MGST1: variants seen among roughly 807,000 people sequenced by gnomAD.
MGST1 encodes the protein glutathione S-transferase 12.
A neutral mutation model predicts 8.9 loss-of-function variants in MGST1; 5 were observed. The observed-to-expected ratio is 0.56, with a 90% CI of 0.29 to 1.19. The LOEUF (loss-of-function observed/expected upper bound fraction) is 1.19. Ranked by LOEUF, MGST1 falls within the 50% of genes most tolerant of loss-of-function variation. The pLI, the probability that MGST1 is intolerant of heterozygous loss-of-function variation, is 0.08. For synonymous variants in MGST1, 54 were observed against 67.8 expected (o/e 0.80, Z 1.00); for missense variants, 182 against 187.4 (o/e 0.97, Z 0.17).
chr12:16,394,554 CT>C (rs1565446438), intron 1 of MGST1, among the ~76,000 whole-genome samples: 1,290 of 82,002 alleles, frequency 0.016, 31 homozygotes, highest in Non-Finnish European at 0.025. Flanking sequence ...TTCTTTCTTT[CT>C]TTCTTTCTTT....
chr12:16,407,102 C>G (rs995301810), intron 1 of MGST1, among the ~76,000 whole-genome samples: 7 of 152,136 alleles, frequency 4.6e-5, no homozygotes, highest in Non-Finnish European at 7.4e-5. Flanking sequence ...GTGAAAGAAA[C>G]TATCAACAGA....
intron 4 of MGST1, among the ~76,000 whole-genome samples, chr12:16,525,492 C>T (rs1270151596): frequency 1.3e-5 from 2 of 150,300 alleles, no homozygotes; most frequent in African/African-American, 4.9e-5. Flanking sequence ...TTTATGGCTG[C>T]ATAGTATTCC....
chr12:16,433,018 G>A (rs973972633), intron 1 of MGST1, among the ~76,000 whole-genome samples: 1 of 151,990 alleles, frequency 6.6e-6, no homozygotes. Flanking sequence ...ATATAAAGGG[G>A]AGTTTATTAG....
chr12:16,504,806 C>T (rs1941526953), intron 4 of MGST1, among the ~76,000 whole-genome samples: 1 of 152,286 alleles, frequency 6.6e-6, no homozygotes, highest in African/African-American at 2.4e-5. Flanking sequence ...ATAATCCCCA[C>T]AAACTTGCTT....
At chr12:16,539,051 A>C (rs1364434048) in intron 4 of MGST1, among the ~76,000 whole-genome samples, 1 of 152,176 alleles carries the variant, frequency 6.6e-6, no homozygotes, top group East Asian at 1.9e-4. Flanking sequence ...GATTCAAATT[A>C]TCTCCCACCA....
chr12:16,552,756 C>A (rs1942037380), intron 4 of MGST1, among the ~76,000 whole-genome samples: 1 of 152,036 alleles, frequency 6.6e-6, no homozygotes, highest in African/African-American at 2.4e-5. Context: ...GTGGTCAAAG[C>A]TACTGGATAC....
At chr12:16,402,481 C>A in intron 1 of MGST1, 2 of 1,477,274 alleles carry the variant, frequency 1.4e-6, no homozygotes, top group Non-Finnish European at 1.9e-6. Context: ...GCTCTGCCAC[C>A]TGCTCTCGGC....
Position 16,432,717 on chromosome 12 carries a change from CACACACACACACACAG to C in MGST1, n.779-4669_779-4654del, listed in dbSNP as rs978656607. Among the ~76,000 whole-genome samples, 174 of 144,262 alleles carry C rather than the reference CACACACACACACACAG, an allele frequency of 1.2e-3. 2 individuals are homozygous for C. Among genetic ancestry groups the C allele is most frequent in the African/African-American group, 4.3e-3 (162 of 37,450 alleles). 94.6% of individuals were successfully genotyped at this position (144,262 alleles called of 152,430 possible). A position where few individuals can be genotyped will look rare whatever the true frequency, so the allele number is the denominator to read the frequency against. On this transcript the variant is annotated intron_variant and non_coding_transcript_variant, in intron 1 of 1. Transcript: ENST00000359720. ...ACACACACACACACACACACACACA[CACACACACACACACAG>C]AGAGAGAGAATATTGTCAGAGTTCT... is the stretch of plus-strand genomic sequence containing the variant.
rs938751163 is a variant in MGST1 at position 16,589,119 on chromosome 12, TA to T, written n.483-407del. Among the ~76,000 whole-genome samples the T allele has an allele frequency of 6.6e-6, 1 of 152,114 alleles. No individual in the cohort carries two copies. The highest frequency in any genetic ancestry group is 2.4e-5 in the African/African-American group (1 of 41,436). On this transcript the variant is annotated intron_variant and non_coding_transcript_variant, in intron 4 of 4. Transcript: ENST00000538857. The surrounding 1 kb of genome is among the most constrained non-coding windows in gnomAD (Gnocchi z 4.2). Reference sequence around the variant, plus strand: ...ACCGTGATGCAACCTGACATGCCTCTAAGATCTACGAATTAGATGTAACCTC... The same window carrying T: ...ACCGTGATGCAACCTGACATGCCTCTAGATCTACGAATTAGATGTAACCTC...
At chr12:16,375,149 G>A (rs181888257) in intron 3 of MGST1, among the ~76,000 whole-genome samples, 125 of 152,256 alleles carry the variant, frequency 8.2e-4, no homozygotes, top group Middle Eastern at 3.4e-3. Context: ...CCAAAGTGCC[G>A]GGATTGAAGG....
intron 4 of MGST1, among the ~76,000 whole-genome samples, chr12:16,562,495 G>C (rs905919996): frequency 3.9e-5 from 6 of 151,992 alleles, no homozygotes; most frequent in Non-Finnish European, 7.4e-5. Context: ...AATTGCTCTC[G>C]CTAGCTGAGC....
At chr12:16,352,629 T>G (rs1165571254) in intron 1 of MGST1, among the ~76,000 whole-genome samples, 1 of 152,214 alleles carries the variant, frequency 6.6e-6, no homozygotes, top group Non-Finnish European at 1.5e-5. Flanking sequence ...GACTTCAGTA[T>G]CACCAGTGTG....
chr12:16,561,245 A>G (rs1403127724), intron 4 of MGST1, among the ~76,000 whole-genome samples: 1 of 152,234 alleles, frequency 6.6e-6, no homozygotes, highest in Non-Finnish European at 1.5e-5. Flanking sequence ...ATGACCTAAA[A>G]GAAGTACAAA....
At chr12:16,564,280 ATAACTTT>A (rs1464022040) in intron 4 of MGST1, among the ~76,000 whole-genome samples, 170 of 152,332 alleles carry the variant, frequency 1.1e-3, no homozygotes, top group African/African-American at 3.8e-3. Context: ...GAAATATTTA[ATAACTTT>A]TGTGTATGGG....
intron 1 of MGST1, 81 bp from the exon 2 acceptor site, chr12:16,354,150 A>G: frequency 4.1e-6 from 4 of 971,204 alleles, no homozygotes; most frequent in Non-Finnish European, 6.0e-6. Context: ...TTAATGCTGC[A>G]ATATAAGAAC....
chr12:16,456,274 A>G (rs1941171580), intron 4 of MGST1, among the ~76,000 whole-genome samples: 1 of 151,908 alleles, frequency 6.6e-6, no homozygotes, highest in Admixed American at 6.6e-5. Context: ...TTGTAAATGC[A>G]TATAAGTTAT....
In MGST1 at chr12:16,587,820, G is replaced by T. The variant is rs1366742443; in HGVS notation, n.483-1708G>T. The stretch of plus-strand genomic sequence containing the variant: ...TGTCCTGAATGGGGGGTTTCAGGGG[G>T]AGGGAGAGGAACCTTGTCTCATATT... On this transcript the variant is annotated intron_variant and non_coding_transcript_variant, in intron 4 of 4. Transcript: ENST00000538857. This position sits in a 1 kb window ranked among gnomAD's most constrained non-coding sequence, Gnocchi z 4.3. Among the ~76,000 whole-genome samples, 4 of 152,008 alleles carry T rather than the reference G, an allele frequency of 2.6e-5. No homozygotes were observed. The highest frequency in any genetic ancestry group is 4.4e-5 in the Non-Finnish European group (3 of 67,976).
intron 1 of MGST1, among the ~76,000 whole-genome samples, chr12:16,411,265 T>G (rs1252340382): frequency 6.6e-6 from 1 of 152,118 alleles, no homozygotes; most frequent in African/African-American, 2.4e-5. Context: ...TAACATCTAG[T>G]GCAACTCTGG....
chr12:16,514,566 G>A (rs181103149), intron 4 of MGST1, among the ~76,000 whole-genome samples: 49 of 149,794 alleles, frequency 3.3e-4, no homozygotes, highest in Middle Eastern at 3.4e-3. Context: ...GATGAGCAAG[G>A]AGTCCTCCAT....
Sources: gnomAD v4.1 joint callset for allele counts (sites outside exome capture counted in the v4.1 genomes callset) on GRCh38, gnomAD v4.1.1 for gene constraint, Gnocchi (gnomAD v3.1) non-coding constraint, MANE v1.5 for transcripts, NCBI Gene and HGNC (gene_info 2026-07-23, HGNC 2026-07-21) for gene names.